The following MEGF9 variants were observed in gnomAD, a reference collection of about 807,000 sequenced individuals.
MEGF9 encodes the protein multiple epidermal growth factor-like domains protein 9.
A neutral mutation model predicts 46.8 loss-of-function variants in MEGF9; 6 were observed. The ratio of observed to expected loss-of-function variants is 0.13; its 90% CI spans 0.07 to 0.25. MEGF9 has a LOEUF of 0.25. Ranked by LOEUF, MEGF9 falls within the 10% of genes least tolerant of loss-of-function variation. The pLI is 1.00. For synonymous variants in MEGF9, 302 were observed against 330.7 expected (o/e 0.91, Z 0.94); for missense variants, 683 against 792.4 (o/e 0.86, Z 1.66).
At chr9:120,639,405 G>A (rs927775848) in intron 2 of MEGF9, among the ~76,000 whole-genome samples, 1 of 151,628 alleles carries the variant, frequency 6.6e-6, no homozygotes, top group Admixed American at 6.6e-5. Context: ...GTACTCGGGA[G>A]GCTGAGGTAG....
At chr9:120,650,891 C>T (rs2043646616) in intron 2 of MEGF9, among the ~76,000 whole-genome samples, 1 of 152,098 alleles carries the variant, frequency 6.6e-6, no homozygotes, top group East Asian at 1.9e-4. Flanking sequence ...AGACCTCCAC[C>T]TCCTATGGAA....
intron 1 of MEGF9, among the ~76,000 whole-genome samples, chr9:120,702,066 T>C (rs971276041): frequency 1.3e-5 from 2 of 151,672 alleles, no homozygotes; most frequent in African/African-American, 4.9e-5. Flanking sequence ...AAAAAATTAA[T>C]TAATTAAAAA....
At chr9:120,711,871 A>ACACACACACACCCC (rs145059704) in intron 1 of MEGF9, among the ~76,000 whole-genome samples, 2 of 150,108 alleles carry the variant, frequency 1.3e-5, no homozygotes, top group African/African-American at 5.0e-5. Context: ...ACACACACAC[A>ACACACACACACCCC]CCCACAGGCC....
chr9:120,614,688 T>C (rs1419451363), intron 3 of MEGF9, among the ~76,000 whole-genome samples: 1 of 152,062 alleles, frequency 6.6e-6, no homozygotes, highest in Non-Finnish European at 1.5e-5. Flanking sequence ...GCATTATGTG[T>C]GAAATCTGTC....
chr9:120,638,333 T>C (rs1450397769), intron 2 of MEGF9, among the ~76,000 whole-genome samples: 2 of 152,222 alleles, frequency 1.3e-5, no homozygotes, highest in Non-Finnish European at 2.9e-5. Context: ...ATTTGCTGTA[T>C]TCCAAAAATT....
intron 1 of MEGF9, among the ~76,000 whole-genome samples, chr9:120,700,658 C>G (rs2043900091): frequency 6.6e-6 from 1 of 152,040 alleles, no homozygotes; most frequent in East Asian, 1.9e-4. Flanking sequence ...TCCAATAACC[C>G]TTCCCAATCC....
intron 2 of MEGF9, among the ~76,000 whole-genome samples, chr9:120,650,017 A>G (rs1280039199): frequency 6.6e-6 from 1 of 152,242 alleles, no homozygotes; most frequent in Non-Finnish European, 1.5e-5. Context: ...CTGTAATTCC[A>G]GCACTTTGGG....
At chr9:120,653,328 T>C (rs1476417081) in intron 2 of MEGF9, among the ~76,000 whole-genome samples, 1 of 152,146 alleles carries the variant, frequency 6.6e-6, no homozygotes, top group Non-Finnish European at 1.5e-5. Context: ...ACACTACTTG[T>C]TCTGACAAAT....
At chr9:120,670,594 A>G (rs2043744728) in intron 1 of MEGF9, among the ~76,000 whole-genome samples, 1 of 152,164 alleles carries the variant, frequency 6.6e-6, no homozygotes, top group Non-Finnish European at 1.5e-5. Flanking sequence ...GCTTCTCTTT[A>G]AGTCTTCCAT....
intron 1 of MEGF9, among the ~76,000 whole-genome samples, chr9:120,675,908 A>C (rs917825831): frequency 1.3e-5 from 2 of 151,466 alleles, no homozygotes; most frequent in East Asian, 3.9e-4. Flanking sequence ...AAAAAAAAAA[A>C]AACAACCTAT....
chr9:120,637,334 CAT>C (rs1392161871), intron 2 of MEGF9, among the ~76,000 whole-genome samples: 1 of 152,074 alleles, frequency 6.6e-6, no homozygotes, highest in Non-Finnish European at 1.5e-5. Context: ...CCTTTGTTCA[CAT>C]GTTTATCTGC....
intron 1 of MEGF9, among the ~76,000 whole-genome samples, chr9:120,670,872 T>C (rs749333759): frequency 3.9e-5 from 6 of 152,334 alleles, no homozygotes; most frequent in African/African-American, 1.2e-4. Context: ...CAAATATGCA[T>C]TGGGTCTCTC....
intron 2 of MEGF9, among the ~76,000 whole-genome samples, chr9:120,633,637 TGA>T (rs2043559971): frequency 6.6e-6 from 1 of 152,144 alleles, no homozygotes; most frequent in South Asian, 2.1e-4. Flanking sequence ...CTGCTAATTT[TGA>T]GTTTTGTTTT....
intron 2 of MEGF9, among the ~76,000 whole-genome samples, chr9:120,656,431 C>T (rs1000912973): frequency 1.3e-5 from 2 of 150,592 alleles, no homozygotes; most frequent in Non-Finnish European, 2.9e-5. Flanking sequence ...CCTGTAGTCC[C>T]AGCTACTTGG....
chr9:120,711,844 T>TACATACACACACAC lies in MEGF9; in HGVS notation c.601+1913_601+1914insGTGTGTGTGTATGT, dbSNP rs1483546554. 8.2e-3 allele frequency among the ~76,000 whole-genome samples: 1,172 copies of TACATACACACACAC among 143,548 alleles called. 11 individuals carry two copies. Among genetic ancestry groups the TACATACACACACAC allele is most frequent in the African/African-American group, 0.029 (1,111 of 38,880 alleles). 94.2% of individuals were successfully genotyped at this position (143,548 alleles called of 152,430 possible). A position where few individuals can be genotyped will look rare whatever the true frequency, so the allele number is the denominator to read the frequency against. On this transcript the variant is annotated intron_variant, in intron 1 of 5. Transcript: ENST00000373930. Reference sequence around the variant, plus strand: ...CAAATGCTTTCTATACATACATACATACACACACACACACACACACACACA... The same window carrying TACATACACACACAC: ...CAAATGCTTTCTATACATACATACATACATACACACACACACACACACACACACACACACACACA...
rs374207282 is a variant in MEGF9, at chr9:120,612,460, A to G, written c.1023T>C (p.Asp341=). 42 of 1,613,788 alleles carry G rather than the reference A, an allele frequency of 2.6e-5. No homozygotes were observed. In the African/African-American group the frequency reaches 3.7e-4, roughly 14 times the overall value. Residue 341 remains aspartate (D), a synonymous_variant, in exon 4 of 6, where the codon GAT becomes GAC. Coordinates refer to ENST00000373930, the MANE Select transcript of MEGF9 (RefSeq NM_001080497.3). The part of the protein sequence containing the change: ...ECKEGFYQSP[D]ATKECLRCPC... ...GGCAGCGAAGACATTCTTTAGTGGC[A>G]TCAGGACTCTGATAAAATCCTTCTT...
At chr9:120,628,493 T>TTTC in intron 2 of MEGF9, among the ~76,000 whole-genome samples, 1 of 145,688 alleles carries the variant, frequency 6.9e-6, no homozygotes, top group African/African-American at 2.6e-5. Context: ...TTTTTTTTTT[T>TTTC]TTCAGAGACA....
intron 2 of MEGF9, among the ~76,000 whole-genome samples, chr9:120,650,954 A>C (rs1395971535): frequency 6.6e-6 from 1 of 152,122 alleles, no homozygotes; most frequent in African/African-American, 2.4e-5. Context: ...TTCTACTCTG[A>C]ACTACTATAC....
At chr9:120,608,832 T>TCCCTTCTA (rs2043431905) in intron 4 of MEGF9, among the ~76,000 whole-genome samples, 1 of 152,162 alleles carries the variant, frequency 6.6e-6, no homozygotes, top group Non-Finnish European at 1.5e-5. Context: ...CCTCCATATG[T>TCCCTTCTA]CCCTTCTAAG....
Sources: gnomAD v4.1 joint callset for allele counts (sites outside exome capture counted in the v4.1 genomes callset) on GRCh38, gnomAD v4.1.1 for gene constraint, MANE v1.5 for transcripts, NCBI Gene and HGNC (gene_info 2026-07-23, HGNC 2026-07-21) for gene names.